HS6ST3: variants seen among roughly 807,000 people sequenced by gnomAD.
HS6ST3 encodes heparan sulfate 6-O-sulfotransferase 3.
A neutral mutation model predicts 36.7 loss-of-function variants in HS6ST3; 12 were observed. That is an observed-to-expected ratio of 0.33 (90% confidence interval 0.21 to 0.53). HS6ST3 has a LOEUF of 0.53. HS6ST3 is among the 20% of genes least tolerant of loss of function. The probability of loss-of-function intolerance (pLI) is 0.95; values close to 1 mark genes in which losing one functional copy is unlikely to be tolerated. For synonymous variants in HS6ST3, 240 were observed against 257.5 expected (o/e 0.93, Z 0.65); for missense variants, 584 against 640.9 (o/e 0.91, Z 0.96).
chr13:96,300,781 A>T (rs1885448081), intron 1 of HS6ST3, among the ~76,000 whole-genome samples: 1 of 152,206 alleles, frequency 6.6e-6, no homozygotes, highest in African/African-American at 2.4e-5. Context: ...GCAAATTAAA[A>T]AATTGATAAA....
intron 1 of HS6ST3, among the ~76,000 whole-genome samples, chr13:96,094,848 A>AT (rs1303436793): frequency 6.6e-6 from 1 of 151,872 alleles, no homozygotes; most frequent in African/African-American, 2.4e-5. Flanking sequence ...ATCACTGATG[A>AT]TTTTTTCCCA....
chr13:96,271,773 A>G (rs999375904), intron 1 of HS6ST3, among the ~76,000 whole-genome samples: 4 of 152,030 alleles, frequency 2.6e-5, no homozygotes, highest in South Asian at 2.1e-4. Flanking sequence ...GACTTCTGCT[A>G]TGAGTCTCCT....
At chr13:96,737,617 G>T (rs1267807874) in intron 1 of HS6ST3, among the ~76,000 whole-genome samples, 34 of 116,790 alleles carry the variant, frequency 2.9e-4, no homozygotes, top group Non-Finnish European at 5.2e-4. Flanking sequence ...GGGCGACAGA[G>T]CGAGACTCCG....
chr13:96,592,759 T>A (rs1254380419), intron 1 of HS6ST3, among the ~76,000 whole-genome samples: 3 of 152,146 alleles, frequency 2.0e-5, no homozygotes, highest in Non-Finnish European at 4.4e-5. Flanking sequence ...GTCACGCCAC[T>A]CTTTCCTGGC....
At position 96,090,397 on chromosome 13, in the gene HS6ST3, G is replaced by C. The variant is rs1420334761; in HGVS notation, c.-466G>C. Among the ~76,000 whole-genome samples the C allele has an allele frequency of 6.8e-6, 1 of 146,174 alleles. No homozygotes were observed. The highest frequency in any genetic ancestry group is 2.5e-5 in the African/African-American group (1 of 40,816). On this transcript the variant is annotated 5_prime_UTR_variant, in exon 1 of 2. Transcript: ENST00000376705. Reference sequence around the variant, plus strand: ...GGCGGCGGGAGCGGGCCGCGCCTTCGCCCTTGGCCGGCGCCCTGGCGAGCC... The same window carrying C: ...GGCGGCGGGAGCGGGCCGCGCCTTCCCCCTTGGCCGGCGCCCTGGCGAGCC...
Position 96,115,391 on chromosome 13 carries a change from C to T in HS6ST3, c.707+23822C>T, listed in dbSNP as rs148602753. Among the ~76,000 whole-genome samples the T allele has an allele frequency of 2.7e-3, 418 of 152,198 alleles. 4 individuals carry two copies. The highest frequency in any genetic ancestry group is 9.6e-3 in the African/African-American group (397 of 41,524). The stretch of plus-strand genomic sequence containing the variant: ...ACCTATTGACCCATTCTCTAAGTTT[C>T]CTCCCCTCACACCCCATCCCCCAAC... On this transcript the variant is annotated intron_variant, in intron 1 of 1. Coordinates refer to ENST00000376705, the MANE Select transcript of HS6ST3 (RefSeq NM_153456.4).
intron 1 of HS6ST3, among the ~76,000 whole-genome samples, chr13:96,606,925 G>A (rs2056441213): frequency 6.6e-6 from 1 of 151,818 alleles, no homozygotes; most frequent in Admixed American, 6.6e-5. Flanking sequence ...AATAAACAAA[G>A]CAATAAAAAA....
At position 96,186,571 on chromosome 13, in the gene HS6ST3, G is replaced by A. The variant is rs183510550; in HGVS notation, c.707+95002G>A. ...ACTAAGGAGACCTTTGTGTGTGGGT[G>A]TAAAACACCCCAGGACTTAAAGCCT... On this transcript the variant is annotated intron_variant, in intron 1 of 1. Transcript: ENST00000376705. Among the ~76,000 whole-genome samples the A allele has an allele frequency of 4.6e-5, 7 of 152,316 alleles. No individual in the cohort carries two copies. In the East Asian group the frequency reaches 1.3e-3, roughly 29 times the overall value.
chr13:96,454,380 TA>T (rs947886120), intron 1 of HS6ST3, among the ~76,000 whole-genome samples: 1 of 152,236 alleles, frequency 6.6e-6, no homozygotes, highest in African/African-American at 2.4e-5. Context: ...GGGGATAATT[TA>T]ATGAAAAATG....
At chr13:96,570,784 T>C (rs2056298492) in intron 1 of HS6ST3, among the ~76,000 whole-genome samples, 1 of 152,224 alleles carries the variant, frequency 6.6e-6, no homozygotes, top group South Asian at 2.1e-4. Flanking sequence ...ATGTATAATC[T>C]AATGCGTGAA....
intron 1 of HS6ST3, among the ~76,000 whole-genome samples, chr13:96,396,177 A>G (rs2055420395): frequency 6.6e-6 from 1 of 151,962 alleles, no homozygotes; most frequent in African/African-American, 2.4e-5. Flanking sequence ...AGCCGGGTGT[A>G]GTAGTGGACA....
At chr13:96,647,944 TG>T (rs558452744) in intron 1 of HS6ST3, among the ~76,000 whole-genome samples, 18 of 152,196 alleles carry the variant, frequency 1.2e-4, no homozygotes, top group African/African-American at 4.3e-4. Context: ...ATCTTGCCTT[TG>T]GTTTTCTTTT....
At chr13:96,256,413 CTT>C (rs895449546) in intron 1 of HS6ST3, among the ~76,000 whole-genome samples, 1 of 152,130 alleles carries the variant, frequency 6.6e-6, no homozygotes, top group African/African-American at 2.4e-5. Flanking sequence ...CAGTTTTACT[CTT>C]TTTCTTTAAA....
Position 96,832,560 on chromosome 13 carries a change from AG to A in HS6ST3, c.779del (p.Arg260LysfsTer66), listed in dbSNP as rs781292112. Reference protein sequence around the residue: ...RYLSEWKHVQRGATWKTSLHM... With the variant: ...RYLSEWKHVQXGATWKTSLHM... ...CCTGAGCGAGTGGAAACATGTCCAG[AG>A]AGGGGCCACTTGGAAAACCTCTCTT... On this transcript the variant is annotated frameshift_variant, in exon 2 of 2. Coordinates refer to ENST00000376705, the MANE Select transcript of HS6ST3 (RefSeq NM_153456.4). LOFTEE classifies it high-confidence loss of function. The A allele has an allele frequency of 6.2e-7, 1 of 1,613,454 alleles. No homozygotes were observed. Among genetic ancestry groups the A allele is most frequent in the South Asian group, 1.1e-5 (1 of 90,968 alleles).
intron 1 of HS6ST3, among the ~76,000 whole-genome samples, chr13:96,770,595 A>T (rs576546153): frequency 6.6e-6 from 1 of 152,342 alleles, no homozygotes; most frequent in African/African-American, 2.4e-5. Context: ...AGGAAATAGA[A>T]GGATATTGGG....
At chr13:96,533,770 C>T (rs1488872458) in intron 1 of HS6ST3, among the ~76,000 whole-genome samples, 3 of 152,212 alleles carry the variant, frequency 2.0e-5, no homozygotes, top group Admixed American at 1.3e-4. Flanking sequence ...TCATTTGATC[C>T]GGCCTTGAGG....
rs1303111678 is a variant in HS6ST3 at position 96,182,367 on chromosome 13, G to T, written c.707+90798G>T. On this transcript the variant is annotated intron_variant, in intron 1 of 1. Coordinates refer to ENST00000376705, the MANE Select transcript of HS6ST3 (RefSeq NM_153456.4). ...GCGATGTCTTAATGATTTAAGACAA[G>T]AATCTTTTATTCCTAAAATAACTCT... Among the ~76,000 whole-genome samples, 6 of 152,272 alleles carry T rather than the reference G, an allele frequency of 3.9e-5. 1 individual carries two copies. The East Asian group carries it at 1.2e-3, about 29-fold the overall frequency.
intron 1 of HS6ST3, among the ~76,000 whole-genome samples, chr13:96,603,176 A>G (rs2056427646): frequency 6.6e-6 from 1 of 152,120 alleles, no homozygotes; most frequent in Non-Finnish European, 1.5e-5. Flanking sequence ...CCACCTACCT[A>G]TATTAGGAAA....
chr13:96,551,716 T>C (rs2056220105), intron 1 of HS6ST3, among the ~76,000 whole-genome samples: 1 of 152,190 alleles, frequency 6.6e-6, no homozygotes, highest in Admixed American at 6.5e-5. Context: ...TTACTCAGGA[T>C]GCAAAGTTTG....
Sources: gnomAD v4.1 joint callset for allele counts (sites outside exome capture counted in the v4.1 genomes callset) on GRCh38, gnomAD v4.1.1 for gene constraint, MANE v1.5 for transcripts, NCBI Gene and HGNC (gene_info 2026-07-23, HGNC 2026-07-21) for gene names.